MED13L: variants seen among roughly 807,000 people sequenced by gnomAD.
MED13L encodes mediator of RNA polymerase II transcription subunit 13-like.
MED13L carries 7 observed loss-of-function variants against 220.9 expected under a neutral mutation model. That is an observed-to-expected ratio of 0.03 (90% CI 0.02 to 0.06). The LOEUF (loss-of-function observed/expected upper bound fraction) is 0.06, where lower values mean the gene tolerates loss of function less well. Among genes scored for constraint, MED13L ranks in the 10% least tolerant of loss-of-function variants. The pLI, the probability that MED13L is intolerant of heterozygous loss-of-function variation, is 1.00. For missense variants in MED13L, 1,965 were observed against 2,760.5 expected (o/e 0.71, Z 6.46); for synonymous variants, 1,011 against 1,015.2 (o/e 1.00, Z 0.08).
chr12:115,969,137 G>C (rs780265271), intron 27 of MED13L, 40 bp from the exon 28 acceptor site: 1 of 1,595,722 alleles, frequency 6.3e-7, no homozygotes, highest in Admixed American at 1.7e-5. Context: ...AAATTAAAAA[G>C]ATAGTCCACA....
rs116966826 is a variant in MED13L at position 116,225,825 on chromosome 12, T to C, written c.310+11643A>G. Among the ~76,000 whole-genome samples, 403 of 152,310 alleles carry C rather than the reference T, an allele frequency of 2.6e-3. 1 individual carries two copies. The highest frequency in any genetic ancestry group is 4.8e-3 in the Non-Finnish European group (324 of 68,038). ...TTTCCACAAATATTTACTTTTTTTCTCTTGTGTCAGAAAGTAAGCCTTCAA... is the reference window on the plus strand; with the variant it reads ...TTTCCACAAATATTTACTTTTTTTCCCTTGTGTCAGAAAGTAAGCCTTCAA... On this transcript the variant is annotated intron_variant, in intron 2 of 30. Coordinates refer to ENST00000281928, the MANE Select transcript of MED13L (RefSeq NM_015335.5).
chr12:115,966,266 A>C (rs1876152054), intron 28 of MED13L, 23 bp from the exon 29 acceptor site: 2 of 1,613,718 alleles, frequency 1.2e-6, no homozygotes, highest in African/African-American at 2.7e-5. Context: ...AATCCCAAAA[A>C]CATGATCAGC....
chr12:116,091,563 T>C (rs1593033404), intron 4 of MED13L, among the ~76,000 whole-genome samples: 1 of 152,240 alleles, frequency 6.6e-6, no homozygotes, highest in East Asian at 1.9e-4. Flanking sequence ...CACAAGCCCT[T>C]ATTAAGTGTT....
chr12:115,998,328 T>C (rs191741223), intron 14 of MED13L, among the ~76,000 whole-genome samples: 1 of 152,336 alleles, frequency 6.6e-6, no homozygotes, highest in East Asian at 1.9e-4. Context: ...CAGTTTCCTA[T>C]CCTATTGCTC....
At chr12:116,234,182 C>T (rs981170141) in intron 2 of MED13L, among the ~76,000 whole-genome samples, 3 of 152,042 alleles carry the variant, frequency 2.0e-5, no homozygotes, top group African/African-American at 7.2e-5. Context: ...ATGGTAATGT[C>T]ATGCTTAATT....
intron 2 of MED13L, among the ~76,000 whole-genome samples, chr12:116,154,775 G>C (rs1187619712): frequency 6.6e-6 from 1 of 152,118 alleles, no homozygotes; most frequent in Non-Finnish European, 1.5e-5. Context: ...AATTTTTAAA[G>C]CAATATTTTT....
chr12:116,276,923 G>T, intron 1 of MED13L, 137 bp downstream of exon 1: 2 of 1,043,810 alleles, frequency 1.9e-6, no homozygotes, highest in Non-Finnish European at 1.4e-6. Flanking sequence ...GGGGAGAATC[G>T]GCGAGAGGCG....
chr12:116,258,287 T>C (rs1447449066), intron 1 of MED13L, among the ~76,000 whole-genome samples: 1 of 152,170 alleles, frequency 6.6e-6, no homozygotes, highest in East Asian at 1.9e-4. Flanking sequence ...TTTTCTTATC[T>C]GAAAAATGAG....
chr12:116,114,335 C>T (rs1169146115), intron 2 of MED13L, among the ~76,000 whole-genome samples: 2 of 152,202 alleles, frequency 1.3e-5, no homozygotes, highest in Non-Finnish European at 2.9e-5. Context: ...AACAGCTCTC[C>T]AGGCATGCGC....
intron 1 of MED13L, chr12:116,276,817 G>T: frequency 3.5e-6 from 4 of 1,152,296 alleles, no homozygotes; most frequent in East Asian, 3.0e-5. Context: ...ACTTCCACAT[G>T]CAAATTCCAC....
At position 116,205,288 on chromosome 12, in the gene MED13L, G is replaced by C. The variant is rs923254272; in HGVS notation, c.310+32180C>G. Among the ~76,000 whole-genome samples, 19 of 152,058 alleles carry C rather than the reference G, an allele frequency of 1.2e-4. 1 individual carries two copies. Among genetic ancestry groups the C allele is most frequent in the African/African-American group, 4.6e-4 (19 of 41,408 alleles). On this transcript the variant is annotated intron_variant, in intron 2 of 30. Transcript: ENST00000281928. ...GATAAATGAGATGGCACTTCAAAAA[G>C]AGGTGCTGTAATACAAATTTTTTTC...
At chr12:116,099,040 G>T (rs1359755490) in intron 3 of MED13L, among the ~76,000 whole-genome samples, 1 of 152,062 alleles carries the variant, frequency 6.6e-6, no homozygotes, top group African/African-American at 2.4e-5. Context: ...ACCACTACCT[G>T]GTTGATTACC....
intron 2 of MED13L, chr12:116,169,021 C>T (rs988174078): frequency 2.0e-5 from 3 of 152,220 alleles, no homozygotes; most frequent in African/African-American, 7.2e-5. Context: ...TTCAAGAGAG[C>T]TCTGAGCCCA....
At chr12:116,225,788 A>G (rs754845791) in intron 2 of MED13L, among the ~76,000 whole-genome samples, 1 of 152,240 alleles carries the variant, frequency 6.6e-6, no homozygotes, top group African/African-American at 2.4e-5. Flanking sequence ...CACTTCCCTT[A>G]TTCAAGCAGT....
intron 29 of MED13L, 47 bp downstream of exon 29, chr12:115,966,035 G>A (rs77532649): frequency 8.8e-6 from 14 of 1,598,354 alleles, no homozygotes; most frequent in Middle Eastern, 1.8e-4. Flanking sequence ...AAATTTAAGC[G>A]TAAATCACTC....
chr12:116,206,889 A>G (rs1051279925), intron 2 of MED13L, among the ~76,000 whole-genome samples: 1 of 152,136 alleles, frequency 6.6e-6, no homozygotes, highest in Admixed American at 6.5e-5. Context: ...TTTTTTTTAT[A>G]TATCCCCCCC....
chr12:116,188,269 G>A (rs1350253074), intron 2 of MED13L, among the ~76,000 whole-genome samples: 2 of 152,052 alleles, frequency 1.3e-5, no homozygotes, highest in Non-Finnish European at 2.9e-5. Flanking sequence ...TGAATAGTTT[G>A]AGCATAAGTA....
intron 2 of MED13L, among the ~76,000 whole-genome samples, chr12:116,194,455 A>G (rs1881491487): frequency 6.6e-6 from 1 of 151,050 alleles, no homozygotes. Flanking sequence ...ATGAGCCACC[A>G]CTCCCAGCCA....
intron 2 of MED13L, among the ~76,000 whole-genome samples, chr12:116,210,467 T>C (rs1043060696): frequency 1.3e-5 from 2 of 150,494 alleles, no homozygotes; most frequent in Non-Finnish European, 1.5e-5. Context: ...GGAATACATA[T>C]GGTATCTCAT....
Sources: allele counts gnomAD v4.1 joint callset (sites outside exome capture counted in the v4.1 genomes callset), GRCh38; gene constraint gnomAD v4.1.1; transcripts MANE v1.5; gene names NCBI Gene and HGNC (gene_info 2026-07-23, HGNC 2026-07-21).